The following ATAD2 variants were observed in gnomAD, a reference collection of about 807,000 sequenced individuals.
ATAD2 encodes ATPase family AAA domain containing 2.
A neutral mutation model predicts 168.9 loss-of-function variants in ATAD2; 62 were observed. The ratio of observed to expected loss-of-function variants is 0.37; its 90% confidence interval spans 0.30 to 0.45. The LOEUF is 0.45. ATAD2 is among the 20% of genes least tolerant of loss of function. The pLI is 1.00. For synonymous variants in ATAD2, 613 were observed against 571.6 expected, an observed-to-expected ratio of 1.07 and a Z score of -1.03; for missense variants, 1,419 against 1,667.8, an observed-to-expected ratio of 0.85 and a Z score of 2.60.
At position 123,378,701 on chromosome 8, in the gene ATAD2, C is replaced by CAAAAAAAA. The variant is rs71808201; in HGVS notation, c.320+1820_320+1827dup. The stretch of plus-strand genomic sequence containing the variant: ...TGGGCAACAGAGCAAGACTGTGTCT[C>CAAAAAAAA]AAAAAAAAAAAAAAAAAAAAAAAAT... On this transcript the variant is annotated intron_variant, in intron 2 of 27. Transcript: ENST00000287394. Among the ~76,000 whole-genome samples the CAAAAAAAA allele has an allele frequency of 3.0e-3, 217 of 72,706 alleles. 8 individuals carry two copies. Among genetic ancestry groups the CAAAAAAAA allele is most frequent in the African/African-American group, 9.6e-3 (165 of 17,160 alleles). The allele number at this position is 72,706 out of a possible 152,430, so 47.7% of individuals were successfully genotyped here.
At chr8:123,338,346 C>T (rs2131303600) in intron 20 of ATAD2, among the ~76,000 whole-genome samples, 1 of 149,990 alleles carries the variant, frequency 6.7e-6, no homozygotes, top group East Asian at 2.0e-4. Context: ...CAGAGAGAGA[C>T]TCCGTCTCAA....
intron 1 of ATAD2, among the ~76,000 whole-genome samples, chr8:123,395,314 G>A (rs1166570886): frequency 2.0e-5 from 3 of 152,146 alleles, no homozygotes; most frequent in Non-Finnish European, 4.4e-5. Flanking sequence ...AGCTGGGGTG[G>A]GGAGGTGGAT....
chr8:123,339,423 A>C lies in ATAD2; in HGVS notation c.2742T>G (p.Asp914Glu), dbSNP rs774823087. The change falls in exon 20 of 28, where the codon GAT becomes GAG. Residue 914 changes from aspartate to glutamate, a missense_variant. By Grantham distance (45) the Asp-to-Glu change is conservative. Transcript: ENST00000287394. The part of the protein sequence containing the change: ...PEEVQELFIR[D>E]YGEIFNVQLP... ...ACTGGACATTAAAAATCTCTCCATA[A>C]TCACGGATAAACAATTCTTGCACCT... is the stretch of plus-strand genomic sequence containing the variant. The C allele has an allele frequency of 6.9e-6, 11 of 1,594,352 alleles. No homozygotes were observed. The highest frequency in any genetic ancestry group is 9.4e-6 in the Non-Finnish European group (11 of 1,171,302).
chr8:123,406,936 T>C (rs778660182), intron 1 of ATAD2, among the ~76,000 whole-genome samples: 40 of 151,936 alleles, frequency 2.6e-4, no homozygotes, highest in Admixed American at 5.3e-4. Flanking sequence ...GATTTGGAAA[T>C]AGGATCTTTG....
intron 27 of ATAD2, 118 bp downstream of exon 27, chr8:123,322,820 T>G: frequency 9.3e-7 from 1 of 1,072,016 alleles, no homozygotes; most frequent in South Asian, 2.4e-5. Flanking sequence ...AAGATGGTCT[T>G]TAAGTTCCTA....
chr8:123,333,633 T>C (rs1306874993), intron 24 of ATAD2, among the ~76,000 whole-genome samples: 3 of 152,074 alleles, frequency 2.0e-5, no homozygotes, highest in African/African-American at 7.2e-5. Flanking sequence ...GAGTAAGAAA[T>C]AGACCAGAAT....
At chr8:123,354,864 A>AAAAAAAAAAAATAT (rs1554644338) in intron 13 of ATAD2, among the ~76,000 whole-genome samples, 1 of 64,708 alleles carries the variant, frequency 1.5e-5, no homozygotes, top group African/African-American at 8.7e-5. Flanking sequence ...AAAAAAAAAA[A>AAAAAAAAAAAATAT]ATATATATAT....
chr8:123,343,778 A>G (rs1409406018), intron 19 of ATAD2, among the ~76,000 whole-genome samples: 2 of 152,218 alleles, frequency 1.3e-5, no homozygotes, highest in Admixed American at 6.5e-5. Flanking sequence ...CAATACAAAT[A>G]AAGCAGGAAA....
rs959937885 is a variant in ATAD2 at position 123,349,273 on chromosome 8, T to G, written c.1806+12A>C. On this transcript the variant is annotated intron_variant, in intron 14 of 27. Coordinates refer to ENST00000287394, the MANE Select transcript of ATAD2 (RefSeq NM_014109.4). ...ATATTTTGTCAAAATTTGAGTGACA[T>G]TAAATTCTTACCTCTTTATCAGGCA... The G allele has an allele frequency of 1.5e-5, 24 of 1,607,880 alleles. No individual in the cohort carries two copies. The highest frequency in any genetic ancestry group is 5.1e-6 in the Non-Finnish European group (6 of 1,178,398).
intron 13 of ATAD2, among the ~76,000 whole-genome samples, chr8:123,354,854 A>ATAT (rs1316146984): frequency 3.4e-5 from 4 of 118,352 alleles, no homozygotes; most frequent in African/African-American, 1.6e-4. Flanking sequence ...AAAAAAAAAA[A>ATAT]AAAAAAAAAA....
chr8:123,370,038 A>T lies in ATAD2; in HGVS notation c.728-14T>A, dbSNP rs750322143. ...CTTCAGATGACTCTACAATTAAGAG[A>T]TCCTTACTTCCAGAAAGATACTCAG... On this transcript the variant is annotated splice_polypyrimidine_tract_variant and intron_variant, in intron 6 of 27. Coordinates refer to ENST00000287394, the MANE Select transcript of ATAD2 (RefSeq NM_014109.4). 5.0e-6 allele frequency: 8 copies of T among 1,597,184 alleles called. No individual in the cohort carries two copies. The African/African-American group carries it at 9.4e-5, about 19-fold the overall frequency.
At chr8:123,390,699 A>AT (rs1026220191) in intron 1 of ATAD2, among the ~76,000 whole-genome samples, 1 of 152,344 alleles carries the variant, frequency 6.6e-6, no homozygotes, top group African/African-American at 2.4e-5. Flanking sequence ...AGAATGTTCT[A>AT]TTTTACCTAA....
At chr8:123,403,313 T>C (rs1191902692) in intron 1 of ATAD2, among the ~76,000 whole-genome samples, 4 of 152,016 alleles carry the variant, frequency 2.6e-5, no homozygotes, top group Admixed American at 1.3e-4. Context: ...TTGCCCAGGC[T>C]GGTCTCGAAC....
chr8:123,360,506 C>T (rs1334473012), intron 9 of ATAD2, among the ~76,000 whole-genome samples: 1 of 152,104 alleles, frequency 6.6e-6, no homozygotes, highest in Non-Finnish European at 1.5e-5. Flanking sequence ...CAACATCTGG[C>T]TAATTTTTGT....
intron 1 of ATAD2, among the ~76,000 whole-genome samples, chr8:123,382,387 G>A (rs1346875759): frequency 2.0e-5 from 3 of 152,114 alleles, no homozygotes; most frequent in Admixed American, 1.3e-4. Context: ...CTTTATCAAT[G>A]TACCTATATT....
At chr8:123,396,831 T>C (rs1027039608), upstream of ATAD2, among the ~76,000 whole-genome samples, 2 of 152,194 alleles carry the variant, frequency 1.3e-5, no homozygotes, top group African/African-American at 4.8e-5. Context: ...ACCTGCTTGC[T>C]GCTTCCCGCC....
chr8:123,322,980 A>AATACATT lies in ATAD2; in HGVS notation c.4082_4088dup (p.Tyr1364MetfsTer10), dbSNP rs1193754937. On this transcript the variant is annotated frameshift_variant, in exon 27 of 28. Coordinates refer to ENST00000287394, the MANE Select transcript of ATAD2 (RefSeq NM_014109.4). LOFTEE classifies it high-confidence loss of function. ...TATCATGGTCCTTGCGATGCCGATA[A>AATACATT]ATACATTGGCTGATTACTGCATACA... 1 of 1,613,814 alleles carries AATACATT rather than the reference A, an allele frequency of 6.2e-7. No homozygotes were observed. The highest frequency in any genetic ancestry group is 8.5e-7 in the Non-Finnish European group (1 of 1,179,904).
chr8:123,353,169 G>A (rs937707570), intron 13 of ATAD2, among the ~76,000 whole-genome samples: 2 of 152,064 alleles, frequency 1.3e-5, no homozygotes, highest in African/African-American at 4.8e-5. Context: ...TTCAAGACCA[G>A]CTTGGCCAAA....
rs761416205 is a variant in ATAD2, at chr8:123,344,907, G to A, written c.2695C>T (p.Pro899Ser). 4 of 1,613,990 alleles carry A rather than the reference G, an allele frequency of 2.5e-6. No homozygotes were observed. The Admixed American group carries it at 6.7e-5, about 27-fold the overall frequency. ...ACCTCTTCTGGCAAAGCGGAATGGG[G>A]TTTGTCAGAAGTTGCAAGTAGTAAA... is the stretch of plus-strand genomic sequence containing the variant. Reference protein sequence around the residue: ...PVLLLATSDKPHSALPEEVQE... With the variant: ...PVLLLATSDKSHSALPEEVQE... The change falls in exon 19 of 28, where the codon CCC (proline) becomes TCC (serine). Residue 899 changes from proline (P) to serine (S), a missense_variant. Around this residue, in one of 5 missense-constraint regions of ATAD2, gnomAD observed 545 missense variants for 724.9 expected, o/e 0.75. Transcript: ENST00000287394.
Sources: gnomAD v4.1 joint callset for allele counts (sites outside exome capture counted in the v4.1 genomes callset) on GRCh38, gnomAD v4.1.1 for gene constraint, gnomAD v4.1.1 regional missense constraint, MANE v1.5 for transcripts, NCBI Gene and HGNC (gene_info 2026-07-23, HGNC 2026-07-21) for gene names.